Variants in MAGI2 observed in about 807,000 individuals in gnomAD.
The protein encoded by MAGI2 is membrane-associated guanylate kinase, WW and PDZ domain-containing protein 2.
MAGI2 carries 35 observed loss-of-function variants against 133.3 expected under a neutral mutation model. The observed-to-expected ratio is 0.26, with a 90% confidence interval of 0.20 to 0.35. The LOEUF (loss-of-function observed/expected upper bound fraction) is 0.35. Among genes scored for constraint, MAGI2 ranks in the 10% least tolerant of loss-of-function variants. MAGI2 has a pLI of 1.00. For missense variants in MAGI2, 1,636 were observed against 1,863.4 expected (o/e 0.88, Z 2.25); for synonymous variants, 729 against 710.6 (o/e 1.03, Z -0.41).
At chr7:79,062,818 G>A (rs1352535316) in intron 1 of MAGI2, among the ~76,000 whole-genome samples, 3 of 152,092 alleles carry the variant, frequency 2.0e-5, no homozygotes, top group African/African-American at 7.2e-5. Context: ...TGAGTGCAAT[G>A]AGGAAACAGC....
At chr7:79,449,720 A>C (rs991855) in intron 1 of MAGI2, among the ~76,000 whole-genome samples, 1 of 151,652 alleles carries the variant, frequency 6.6e-6, no homozygotes, top group East Asian at 1.9e-4. Context: ...AAAGAATTGG[A>C]TGTGACAATA....
intron 1 of MAGI2, among the ~76,000 whole-genome samples, chr7:79,429,182 T>C (rs560310342): frequency 3.9e-5 from 6 of 152,346 alleles, no homozygotes; most frequent in African/African-American, 1.4e-4. Flanking sequence ...CAGCTTTTGA[T>C]CTTTTCCATT....
intron 2 of MAGI2, among the ~76,000 whole-genome samples, chr7:78,969,994 T>TAGC (rs1803655150): frequency 6.9e-6 from 1 of 145,112 alleles, no homozygotes; most frequent in East Asian, 1.9e-4. Flanking sequence ...CTGGAATTGG[T>TAGC]AGCACCACAG....
chr7:78,480,655 A>C (rs555897218), intron 6 of MAGI2, among the ~76,000 whole-genome samples: 1 of 152,054 alleles, frequency 6.6e-6, no homozygotes, highest in East Asian at 1.9e-4. Flanking sequence ...ATCAGTTGAA[A>C]ATAGTCTATG....
At chr7:78,783,261 T>C (rs1402370476) in intron 2 of MAGI2, among the ~76,000 whole-genome samples, 2 of 152,124 alleles carry the variant, frequency 1.3e-5, no homozygotes, top group Non-Finnish European at 2.9e-5. Flanking sequence ...TTTAGACACA[T>C]ACTTGAATAA....
intron 2 of MAGI2, among the ~76,000 whole-genome samples, chr7:78,643,578 C>A (rs370804024): frequency 1.7e-4 from 26 of 151,994 alleles, no homozygotes; most frequent in African/African-American, 5.8e-4. Context: ...TATTAAGATA[C>A]ACACAATTGC....
At position 78,256,196 on chromosome 7, in the gene MAGI2, G is replaced by A; in HGVS notation, c.1794C>T (p.Ala598=). The A allele has an allele frequency of 1.2e-6, 2 of 1,613,994 alleles. No homozygotes were observed. The highest frequency in any genetic ancestry group is 1.7e-6 in the Non-Finnish European group (2 of 1,179,996). ...DDNVSMASSG[A]TQAELMTLTI... ...TTAAGGTCATAAGTTCAGCTTGGGT[G>A]GCCCCAGATGAAGCCATAGACACAT... is the stretch of plus-strand genomic sequence containing the variant. The change falls in exon 10 of 22, where the codon GCC becomes GCT. Residue 598 remains alanine (A), a synonymous_variant. Transcript: ENST00000354212.
chr7:78,720,683 T>G (rs1469458402), intron 2 of MAGI2, among the ~76,000 whole-genome samples: 1 of 152,058 alleles, frequency 6.6e-6, no homozygotes, highest in Non-Finnish European at 1.5e-5. Context: ...TCTAAATCAT[T>G]TGTACCCTGG....
At chr7:78,261,492 A>G (rs958373596) in intron 9 of MAGI2, among the ~76,000 whole-genome samples, 2 of 152,094 alleles carry the variant, frequency 1.3e-5, no homozygotes, top group Admixed American at 1.3e-4. Context: ...AGATTTCTCT[A>G]CACTATATAC....
At chr7:78,177,434 A>G (rs985429618) in intron 14 of MAGI2, among the ~76,000 whole-genome samples, 1 of 150,904 alleles carries the variant, frequency 6.6e-6, no homozygotes, top group South Asian at 2.1e-4. Flanking sequence ...ACACACACAC[A>G]CACACACACA....
At chr7:78,073,038 T>A (rs1043663088) in intron 21 of MAGI2, 8 of 398,238 alleles carry the variant, frequency 2.0e-5, no homozygotes, top group Admixed American at 1.8e-4. Flanking sequence ...CTGCTTCACC[T>A]GCTGCTCTAA....
At chr7:79,206,638 AT>A (rs546728247) in intron 1 of MAGI2, among the ~76,000 whole-genome samples, 105 of 152,108 alleles carry the variant, frequency 6.9e-4, no homozygotes, top group Non-Finnish European at 1.4e-3. Flanking sequence ...TCTAATAAAC[AT>A]TTAAAGAATT....
intron 2 of MAGI2, among the ~76,000 whole-genome samples, chr7:78,969,506 A>T (rs550500330): frequency 6.6e-6 from 1 of 152,188 alleles, no homozygotes; most frequent in South Asian, 2.1e-4. Flanking sequence ...ATTTCCCCGG[A>T]CAATGAAGCC....
In MAGI2 at chr7:78,934,461, T is replaced by C. The variant is rs368087263; in HGVS notation, c.418+72629A>G. ...TCATATTTTTTACTGTAAGTACTTA[T>C]GTGTGAATAAATGTAAGAAAATGAT... On this transcript the variant is annotated intron_variant, in intron 2 of 21. Coordinates refer to ENST00000354212, the MANE Select transcript of MAGI2 (RefSeq NM_012301.4). Among the ~76,000 whole-genome samples the C allele has an allele frequency of 3.0e-4, 46 of 152,272 alleles. No individual in the cohort carries two copies. The South Asian group carries it at 5.6e-3, about 19-fold the overall frequency.
chr7:78,504,798 TTAAA>T (rs1244951247), intron 4 of MAGI2, among the ~76,000 whole-genome samples: 3 of 152,094 alleles, frequency 2.0e-5, no homozygotes, highest in South Asian at 2.1e-4. Context: ...GAGATTATAA[TTAAA>T]TAAATAAATA....
chr7:79,103,036 C>T (rs1818125354), intron 1 of MAGI2, among the ~76,000 whole-genome samples: 1 of 152,158 alleles, frequency 6.6e-6, no homozygotes, highest in Non-Finnish European at 1.5e-5. Flanking sequence ...TGTCCTGCCA[C>T]ATAGACATCA....
intron 6 of MAGI2, among the ~76,000 whole-genome samples, chr7:78,439,935 C>G (rs1379016040): frequency 6.6e-6 from 1 of 151,880 alleles, no homozygotes; most frequent in East Asian, 1.9e-4. Context: ...TAAAACGTGT[C>G]TAGTGCCACA....
At chr7:78,228,053 C>A (rs940366399) in intron 10 of MAGI2, among the ~76,000 whole-genome samples, 2 of 152,214 alleles carry the variant, frequency 1.3e-5, no homozygotes, top group African/African-American at 4.8e-5. Flanking sequence ...ATTGAGAATG[C>A]TCAAACCAAT....
chr7:79,210,360 G>A (rs74838135), intron 1 of MAGI2, among the ~76,000 whole-genome samples: 15,214 of 151,948 alleles, frequency 0.1, 1,899 homozygotes, highest in African/African-American at 0.29. Flanking sequence ...ACTTTCTGAG[G>A]TATCTGGGGC....
Sources: allele counts gnomAD v4.1 joint callset (sites outside exome capture counted in the v4.1 genomes callset), GRCh38; gene constraint gnomAD v4.1.1; transcripts MANE v1.5; gene names NCBI Gene and HGNC (gene_info 2026-07-23, HGNC 2026-07-21).